PTPRD: variants seen among roughly 807,000 people sequenced by gnomAD.
PTPRD encodes the protein receptor-type tyrosine-protein phosphatase delta.
PTPRD carries 34 observed loss-of-function variants against 214.5 expected under a neutral mutation model. That is an observed-to-expected ratio of 0.16 (90% CI 0.12 to 0.21). The LOEUF is 0.21. Ranked by LOEUF, PTPRD falls within the 10% of genes least tolerant of loss-of-function variation. PTPRD has a pLI of 1.00. For synonymous variants in PTPRD, 1,128 were observed against 845.7 expected (o/e 1.33, Z -5.79); for missense variants, 2,545 against 2,398.7 (o/e 1.06, Z -1.27).
At position 10,412,618 on chromosome 9, in the gene PTPRD, G is replaced by A. The variant is rs568903750; in HGVS notation, c.-599-71601C>T. Among the ~76,000 whole-genome samples the A allele has an allele frequency of 1.2e-4, 11 of 91,608 alleles. No homozygotes were observed. In the East Asian group the frequency reaches 2.4e-3, roughly 20 times the overall value. The allele number at this position is 91,608 out of a possible 152,430, so 60.1% of individuals were successfully genotyped here. On this transcript the variant is annotated intron_variant, in intron 2 of 45. Coordinates refer to ENST00000381196, the MANE Select transcript of PTPRD (RefSeq NM_002839.4). ...ACCTTGCAGATATACACACACGCACGCACACACACACACAAACACACACAC... is the reference window on the plus strand; with the variant it reads ...ACCTTGCAGATATACACACACGCACACACACACACACACAAACACACACAC...
intron 9 of PTPRD, among the ~76,000 whole-genome samples, chr9:9,353,869 T>C (rs1192621290): frequency 6.6e-6 from 1 of 151,840 alleles, no homozygotes; most frequent in African/African-American, 2.4e-5. Context: ...ATCACAAGGC[T>C]GAAATCAAGG....
At chr9:9,661,334 C>G (rs1375100138) in intron 7 of PTPRD, among the ~76,000 whole-genome samples, 3 of 151,032 alleles carry the variant, frequency 2.0e-5, no homozygotes, top group African/African-American at 7.3e-5. Context: ...ATGAATTAAA[C>G]TAACTGTATA....
chr9:9,917,275 T>C (rs547459116), intron 5 of PTPRD, among the ~76,000 whole-genome samples: 11 of 83,294 alleles, frequency 1.3e-4, no homozygotes, highest in African/African-American at 4.7e-4. Context: ...TCTGAGAAGA[T>C]GAAATTGACA....
At chr9:10,190,413 A>C (rs1293016326) in intron 3 of PTPRD, among the ~76,000 whole-genome samples, 12 of 75,846 alleles carry the variant, frequency 1.6e-4, no homozygotes, top group African/African-American at 2.9e-4. Context: ...AAAAAAAAAA[A>C]AAAAAAACAA....
At chr9:9,416,621 T>A (rs998267737) in intron 8 of PTPRD, among the ~76,000 whole-genome samples, 3 of 152,156 alleles carry the variant, frequency 2.0e-5, no homozygotes, top group South Asian at 2.1e-4. Context: ...CACAATATGC[T>A]CAAGGACGTG....
intron 10 of PTPRD, among the ~76,000 whole-genome samples, chr9:9,167,709 C>G (rs1219803762): frequency 1.3e-5 from 2 of 152,040 alleles, no homozygotes; most frequent in East Asian, 1.9e-4. Flanking sequence ...GAGCCGAGAT[C>G]GCGCCATTGC....
At chr9:8,455,521 T>C (rs930718993) in intron 33 of PTPRD, among the ~76,000 whole-genome samples, 1 of 152,132 alleles carries the variant, frequency 6.6e-6, no homozygotes, top group Non-Finnish European at 1.5e-5. Flanking sequence ...AAAATAAAGG[T>C]ACTAAGTTTT....
At chr9:10,593,241 A>C (rs952248343) in intron 2 of PTPRD, among the ~76,000 whole-genome samples, 9 of 151,992 alleles carry the variant, frequency 5.9e-5, no homozygotes, top group Non-Finnish European at 1.3e-4. Flanking sequence ...CGATAATTCA[A>C]ACAGTCTGGG....
chr9:10,458,453 A>G (rs2098933942), intron 2 of PTPRD, among the ~76,000 whole-genome samples: 2 of 152,170 alleles, frequency 1.3e-5, no homozygotes, highest in South Asian at 2.1e-4. Flanking sequence ...CATGATCATA[A>G]CAACTGAAGC....
At chr9:10,007,655 G>A (rs2096512513) in intron 4 of PTPRD, among the ~76,000 whole-genome samples, 1 of 151,982 alleles carries the variant, frequency 6.6e-6, no homozygotes, top group African/African-American at 2.4e-5. Flanking sequence ...ATATGAGAGA[G>A]GCAAAATTTT....
chr9:8,597,283 A>G (rs1461119420), intron 14 of PTPRD, among the ~76,000 whole-genome samples: 5 of 152,138 alleles, frequency 3.3e-5, no homozygotes, highest in African/African-American at 9.7e-5. Context: ...GAGACAAAAT[A>G]TCAAGACAAG....
At chr9:9,513,082 G>A (rs369617227) in intron 8 of PTPRD, among the ~76,000 whole-genome samples, 4 of 151,876 alleles carry the variant, frequency 2.6e-5, no homozygotes, top group East Asian at 3.9e-4. Flanking sequence ...AATTCTGGCA[G>A]AGGGACTCAT....
At chr9:8,887,242 G>T (rs967443843) in intron 11 of PTPRD, among the ~76,000 whole-genome samples, 2 of 152,132 alleles carry the variant, frequency 1.3e-5, no homozygotes, top group Non-Finnish European at 2.9e-5. Context: ...GTATCTCACG[G>T]CAGAGACCTA....
chr9:10,524,637 T>C lies in PTPRD; in HGVS notation c.-600+87761A>G, dbSNP rs1345550550. 2.0e-5 allele frequency among the ~76,000 whole-genome samples: 3 copies of C among 152,068 alleles called. 1 individual carries two copies. The highest frequency in any genetic ancestry group is 2.9e-5 in the Non-Finnish European group (2 of 68,000). On this transcript the variant is annotated intron_variant, in intron 2 of 45. Transcript: ENST00000381196. ...GATATGTGTTGCCATTGAGAGCACA[T>C]AGTCTCTTCAGCATTTGGATTCAGC...
chr9:10,489,036 C>G (rs2099151178), intron 2 of PTPRD, among the ~76,000 whole-genome samples: 1 of 152,028 alleles, frequency 6.6e-6, no homozygotes, highest in African/African-American at 2.4e-5. Flanking sequence ...GAGTCTTGCC[C>G]CATAGACACC....
At chr9:9,079,447 G>A (rs774547947) in intron 10 of PTPRD, among the ~76,000 whole-genome samples, 1 of 152,042 alleles carries the variant, frequency 6.6e-6, no homozygotes, top group Non-Finnish European at 1.5e-5. Flanking sequence ...TGGCTATTGT[G>A]AATAGAGCTG....
intron 2 of PTPRD, among the ~76,000 whole-genome samples, chr9:10,565,195 T>G (rs1461955093): frequency 6.6e-6 from 1 of 152,118 alleles, no homozygotes; most frequent in Non-Finnish European, 1.5e-5. Context: ...TAAAGACATA[T>G]TTCACCAAAA....
At chr9:8,479,558 A>G (rs1462784027) in intron 30 of PTPRD, among the ~76,000 whole-genome samples, 1 of 152,218 alleles carries the variant, frequency 6.6e-6, no homozygotes, top group Non-Finnish European at 1.5e-5. Flanking sequence ...AGCTAAAAAT[A>G]AAAACTGACA....
At chr9:9,597,514 T>C (rs1408312431) in intron 7 of PTPRD, among the ~76,000 whole-genome samples, 1 of 152,024 alleles carries the variant, frequency 6.6e-6, no homozygotes. Flanking sequence ...TCAACATGAT[T>C]ATTATAAAGA....
Sources: allele counts gnomAD v4.1 joint callset (sites outside exome capture counted in the v4.1 genomes callset), GRCh38; gene constraint gnomAD v4.1.1; transcripts MANE v1.5; gene names NCBI Gene and HGNC (gene_info 2026-07-23, HGNC 2026-07-21).